The following SH3GL2 variants were observed in gnomAD, a reference collection of about 807,000 sequenced individuals.
The protein encoded by SH3GL2 is SH3 domain containing GRB2 like 2, endophilin A1.
In SH3GL2, 24 loss-of-function variants were observed where a neutral mutation model predicts 46.0. That is an observed-to-expected ratio of 0.52 (90% confidence interval 0.38 to 0.73). SH3GL2 has a LOEUF of 0.73. Ranked by LOEUF, SH3GL2 falls within the 30% of genes least tolerant of loss-of-function variation. SH3GL2 has a pLI of 0.00. For missense variants in SH3GL2, 413 were observed against 424.2 expected (o/e 0.97, Z 0.23); for synonymous variants, 196 against 147.1 (o/e 1.33, Z -2.40).
chr9:17,716,865 C>T lies in SH3GL2; in HGVS notation c.46-30201C>T, dbSNP rs565594534. Among the ~76,000 whole-genome samples the T allele has an allele frequency of 3.3e-5, 5 of 152,228 alleles. No individual in the cohort carries two copies. The South Asian group carries it at 8.3e-4, about 25-fold the overall frequency. On this transcript the variant is annotated intron_variant, in intron 1 of 8. Transcript: ENST00000380607. ...AGGGCTCACCTCATTTGTTTCCTCTCAGTCAGGGATCTCTGTCTTTCATTT... is the reference window on the plus strand; with the variant it reads ...AGGGCTCACCTCATTTGTTTCCTCTTAGTCAGGGATCTCTGTCTTTCATTT...
At chr9:17,687,071 A>T (rs1406430780) in intron 1 of SH3GL2, among the ~76,000 whole-genome samples, 1 of 152,100 alleles carries the variant, frequency 6.6e-6, no homozygotes, top group African/African-American at 2.4e-5. Context: ...CTGAAGATGC[A>T]CATTAAATAA....
intron 1 of SH3GL2, among the ~76,000 whole-genome samples, chr9:17,705,299 GTAAATTAGTT>G (rs970970772): frequency 2.0e-5 from 3 of 152,100 alleles, no homozygotes; most frequent in Non-Finnish European, 4.4e-5. Context: ...TGCTGGAAAT[GTAAATTAGTT>G]TAGCCATTGT....
intron 1 of SH3GL2, among the ~76,000 whole-genome samples, chr9:17,705,679 A>G (rs1442200532): frequency 6.6e-6 from 1 of 152,070 alleles, no homozygotes; most frequent in Non-Finnish European, 1.5e-5. Flanking sequence ...GGAGGCCGTT[A>G]TTCTGAGTGA....
intron 1 of SH3GL2, among the ~76,000 whole-genome samples, chr9:17,630,793 G>A (rs1051784827): frequency 9.9e-5 from 15 of 152,138 alleles, no homozygotes; most frequent in African/African-American, 3.1e-4. Flanking sequence ...TGGAAGAAGA[G>A]GGTGGGGGAG....
At chr9:17,707,532 T>G (rs758225474) in intron 1 of SH3GL2, among the ~76,000 whole-genome samples, 6 of 152,088 alleles carry the variant, frequency 3.9e-5, no homozygotes, top group Admixed American at 6.6e-5. Context: ...GTACTAACTT[T>G]GTGCTATGCA....
intron 2 of SH3GL2, among the ~76,000 whole-genome samples, chr9:17,755,176 T>C (rs1020834980): frequency 3.9e-5 from 6 of 152,212 alleles, no homozygotes; most frequent in Non-Finnish European, 7.3e-5. Flanking sequence ...ACCTAGCTCA[T>C]TGGGACTTTA....
chr9:17,707,736 C>G (rs1821508585), intron 1 of SH3GL2, among the ~76,000 whole-genome samples: 1 of 152,028 alleles, frequency 6.6e-6, no homozygotes, highest in Admixed American at 6.6e-5. Context: ...CACTTTACAG[C>G]TATTAGACCT....
At chr9:17,768,791 C>T (rs997106596) in intron 3 of SH3GL2, among the ~76,000 whole-genome samples, 3 of 152,114 alleles carry the variant, frequency 2.0e-5, no homozygotes, top group South Asian at 4.1e-4. Context: ...AGGGCCAAGT[C>T]GAAATCATTT....
intron 1 of SH3GL2, among the ~76,000 whole-genome samples, chr9:17,629,696 G>T (rs1373471274): frequency 6.6e-6 from 1 of 152,084 alleles, no homozygotes; most frequent in African/African-American, 2.4e-5. Flanking sequence ...CTTATATTCA[G>T]AGAACATTTT....
intron 1 of SH3GL2, among the ~76,000 whole-genome samples, chr9:17,639,568 T>A (rs1009239143): frequency 3.3e-5 from 5 of 152,214 alleles, no homozygotes; most frequent in Non-Finnish European, 1.5e-5. Context: ...CTTTATACAT[T>A]TTTGTTGGGA....
rs138675887 is a variant in SH3GL2 at position 17,715,882 on chromosome 9, A to G, written c.46-31184A>G. ...AGCAAGTTCATCTAACACAAAGCCT[A>G]TTTTGTAAGAAAGTGGTGAATATCT... On this transcript the variant is annotated intron_variant, in intron 1 of 8. Transcript: ENST00000380607. Among the ~76,000 whole-genome samples, 349 of 152,208 alleles carry G rather than the reference A, an allele frequency of 2.3e-3. 6 individuals are homozygous for G. Among genetic ancestry groups the G allele is most frequent in the Non-Finnish European group, 3.4e-4 (23 of 67,976 alleles).
At chr9:17,636,741 C>T (rs7040212) in intron 1 of SH3GL2, among the ~76,000 whole-genome samples, 145 of 152,204 alleles carry the variant, frequency 9.5e-4, no homozygotes, top group African/African-American at 3.3e-3. Context: ...AATCTTGTTA[C>T]TCTTGTGTCC....
intron 3 of SH3GL2, among the ~76,000 whole-genome samples, chr9:17,783,346 C>A (rs146144592): frequency 6.6e-6 from 1 of 151,624 alleles, no homozygotes; most frequent in Non-Finnish European, 1.5e-5. Flanking sequence ...TAAGATTTAG[C>A]AGAAGTACTG....
chr9:17,618,631 C>A (rs763916765), intron 1 of SH3GL2, among the ~76,000 whole-genome samples: 12 of 152,142 alleles, frequency 7.9e-5, no homozygotes, highest in Non-Finnish European at 1.5e-4. Context: ...CTGTAGGGTG[C>A]TGGCCTAGAC....
intron 3 of SH3GL2, among the ~76,000 whole-genome samples, chr9:17,763,782 TAC>T (rs1823244427): frequency 6.6e-6 from 1 of 152,156 alleles, no homozygotes; most frequent in South Asian, 2.1e-4. Context: ...TTCCCATTCA[TAC>T]ACCTAGGAAG....
chr9:17,734,070 T>G (rs543362112), intron 1 of SH3GL2, among the ~76,000 whole-genome samples: 1 of 152,200 alleles, frequency 6.6e-6, no homozygotes, highest in Non-Finnish European at 1.5e-5. Context: ...CAGTCGAGAA[T>G]TGCATTTTGA....
At chr9:17,677,871 A>C (rs1266751539) in intron 1 of SH3GL2, among the ~76,000 whole-genome samples, 1 of 151,790 alleles carries the variant, frequency 6.6e-6, no homozygotes, top group Non-Finnish European at 1.5e-5. Context: ...TGAGTGAGAA[A>C]ATGCGGTGTT....
intron 1 of SH3GL2, among the ~76,000 whole-genome samples, chr9:17,586,947 C>T (rs1227961101): frequency 6.6e-6 from 1 of 152,186 alleles, no homozygotes; most frequent in Non-Finnish European, 1.5e-5. Flanking sequence ...TGGCTCATGC[C>T]TGCAATCCCA....
At chr9:17,591,461 C>T (rs913326877) in intron 1 of SH3GL2, 7 of 151,888 alleles carry the variant, frequency 4.6e-5, no homozygotes, top group African/African-American at 1.7e-4. Context: ...GGCAAGGGGG[C>T]TATTTAAAAG....
Sources: allele counts gnomAD v4.1 joint callset (sites outside exome capture counted in the v4.1 genomes callset), GRCh38; gene constraint gnomAD v4.1.1; transcripts MANE v1.5; gene names NCBI Gene and HGNC (gene_info 2026-07-23, HGNC 2026-07-21).